RBFOX1: variants seen among roughly 807,000 people sequenced by gnomAD.
RBFOX1 encodes RNA binding protein fox-1 homolog 1.
A neutral mutation model predicts 57.7 loss-of-function variants in RBFOX1; 8 were observed. That is an observed-to-expected ratio of 0.14 (90% confidence interval 0.08 to 0.25). The LOEUF is 0.25. Ranked by LOEUF, RBFOX1 falls within the 10% of genes least tolerant of loss-of-function variation. RBFOX1 has a pLI of 1.00. For missense variants in RBFOX1, 611 were observed against 548.5 expected (o/e 1.11, Z -1.14); for synonymous variants, 326 against 222.4 (o/e 1.47, Z -4.15).
At chr16:6,949,712 A>C (rs2080298855) in intron 3 of RBFOX1, among the ~76,000 whole-genome samples, 1 of 152,056 alleles carries the variant, frequency 6.6e-6, no homozygotes, top group Admixed American at 6.6e-5. Flanking sequence ...CTACCTCCAC[A>C]TATAGTCACG....
intron 1 of RBFOX1, among the ~76,000 whole-genome samples, chr16:6,223,271 G>T (rs1193666201): frequency 6.6e-6 from 1 of 150,946 alleles, no homozygotes; most frequent in Admixed American, 6.6e-5. Context: ...CTGAGGAATC[G>T]CCACACTGAC....
In RBFOX1 at chr16:6,011,201, A is replaced by C. The variant is rs187300512; in HGVS notation, c.351+143866A>C. Among the ~76,000 whole-genome samples the C allele has an allele frequency of 9.1e-4, 138 of 152,306 alleles. 1 individual carries two copies. The highest frequency in any genetic ancestry group is 1.2e-3 in the Non-Finnish European group (80 of 68,024). On this transcript the variant is annotated intron_variant, in intron 4 of 19. Coordinates refer to the RBFOX1 transcript ENST00000641259. ...TTAGTACATTAAGGCAAAGCTATGTATGTTCTGATTATAAATTCATTAACT... is the reference window on the plus strand; with the variant it reads ...TTAGTACATTAAGGCAAAGCTATGTCTGTTCTGATTATAAATTCATTAACT...
chr16:6,920,721 TCACTC>T (rs2074275419), intron 3 of RBFOX1, among the ~76,000 whole-genome samples: 1 of 152,212 alleles, frequency 6.6e-6, no homozygotes, highest in South Asian at 2.1e-4. Flanking sequence ...TGTGGCTGCA[TCACTC>T]CAGTCTTTAC....
At chr16:6,006,444 G>T (rs1358182781) in intron 4 of RBFOX1, among the ~76,000 whole-genome samples, 1 of 152,134 alleles carries the variant, frequency 6.6e-6, no homozygotes, top group Non-Finnish European at 1.5e-5. Context: ...TTACATGCCA[G>T]TCTGTGCCTA....
intron 3 of RBFOX1, among the ~76,000 whole-genome samples, chr16:6,855,536 C>G (rs1349768375): frequency 6.6e-6 from 1 of 151,594 alleles, no homozygotes; most frequent in Non-Finnish European, 1.5e-5. Context: ...GCCTGTAGTC[C>G]CAGCTACTGG....
chr16:6,619,843 A>T (rs1427980970), intron 2 of RBFOX1, among the ~76,000 whole-genome samples: 2 of 151,768 alleles, frequency 1.3e-5, no homozygotes, highest in African/African-American at 4.8e-5. Context: ...ATTTTTCCTG[A>T]TTGTCTCCCT....
intron 4 of RBFOX1, among the ~76,000 whole-genome samples, chr16:7,291,600 G>C (rs935725084): frequency 6.6e-6 from 1 of 152,056 alleles, no homozygotes; most frequent in African/African-American, 2.4e-5. Context: ...TTAACAAACA[G>C]GTAAGTCAAT....
intron 4 of RBFOX1, among the ~76,000 whole-genome samples, chr16:7,057,050 C>A (rs181332609): frequency 1.3e-5 from 2 of 150,706 alleles, no homozygotes; most frequent in Non-Finnish European, 2.9e-5. Flanking sequence ...AAAATGCAGG[C>A]CTGATACTCA....
At chr16:7,173,237 A>G (rs1178711247) in intron 4 of RBFOX1, among the ~76,000 whole-genome samples, 4 of 152,298 alleles carry the variant, frequency 2.6e-5, no homozygotes, top group East Asian at 1.9e-4. Context: ...TCCCCCTTTT[A>G]TTTCAAATTA....
intron 4 of RBFOX1, among the ~76,000 whole-genome samples, chr16:7,479,254 G>C (rs780600661): frequency 1.3e-5 from 2 of 151,768 alleles, no homozygotes; most frequent in Non-Finnish European, 2.9e-5. Flanking sequence ...CTCCCGAGTC[G>C]CTGGGATTAC....
intron 3 of RBFOX1, among the ~76,000 whole-genome samples, chr16:6,950,412 C>G (rs141678749): frequency 4.1e-4 from 62 of 152,238 alleles, no homozygotes; most frequent in African/African-American, 1.4e-3. Flanking sequence ...CCAGCATGCA[C>G]TGAGAACAGG....
At chr16:7,690,425 G>A (rs2077066856) in intron 14 of RBFOX1, among the ~76,000 whole-genome samples, 3 of 152,094 alleles carry the variant, frequency 2.0e-5, no homozygotes, top group Admixed American at 2.0e-4. Flanking sequence ...TTTTAGAAGT[G>A]CACCAATTAT....
At chr16:6,518,422 G>A (rs1029173787) in intron 2 of RBFOX1, among the ~76,000 whole-genome samples, 1 of 152,138 alleles carries the variant, frequency 6.6e-6, no homozygotes, top group African/African-American at 2.4e-5. Flanking sequence ...CCAATCAGGG[G>A]CCAGGTGATG....
chr16:6,781,129 C>G (rs541955630), intron 3 of RBFOX1, among the ~76,000 whole-genome samples: 148 of 152,212 alleles, frequency 9.7e-4, no homozygotes, highest in Admixed American at 2.7e-3. Flanking sequence ...TGGTCCAGGT[C>G]TTACATTAAA....
chr16:6,086,529 C>G lies in RBFOX1; in HGVS notation c.-127+66537C>G, dbSNP rs188322873. ...GTGTTCTTTTAGATTCCTGCTTAAA[C>G]ATAAACCAGCAGTGAACGAAGAATC... On this transcript the variant is annotated intron_variant, in intron 1 of 15. Transcript: ENST00000550418. Among the ~76,000 whole-genome samples, 34 of 152,292 alleles carry G rather than the reference C, an allele frequency of 2.2e-4. No individual in the cohort carries two copies. The East Asian group carries it at 6.6e-3, about 29-fold the overall frequency.
chr16:5,470,660 T>G (rs1166726964), intron 2 of RBFOX1, among the ~76,000 whole-genome samples: 2 of 152,044 alleles, frequency 1.3e-5, no homozygotes, highest in African/African-American at 4.8e-5. Flanking sequence ...TCTCTCTTTT[T>G]CTACCATGGA....
intron 3 of RBFOX1, among the ~76,000 whole-genome samples, chr16:6,842,301 T>A (rs1288041009): frequency 7.6e-6 from 1 of 131,692 alleles, no homozygotes; most frequent in Non-Finnish European, 1.9e-5. Flanking sequence ...ACTTTCTTAA[T>A]TATTTTTTTC....
At chr16:5,762,408 G>A (rs916528295) in intron 3 of RBFOX1, among the ~76,000 whole-genome samples, 1 of 151,676 alleles carries the variant, frequency 6.6e-6, no homozygotes, top group African/African-American at 2.4e-5. Context: ...GGCCAAGAGG[G>A]TTGGGAGTCA....
At chr16:5,779,888 T>C (rs1411735840) in intron 3 of RBFOX1, among the ~76,000 whole-genome samples, 1 of 152,214 alleles carries the variant, frequency 6.6e-6, no homozygotes, top group African/African-American at 2.4e-5. Flanking sequence ...GTTTTCTCAC[T>C]TGTAAAATAA....
Sources: allele counts gnomAD v4.1 joint callset (sites outside exome capture counted in the v4.1 genomes callset), GRCh38; gene constraint gnomAD v4.1.1; transcripts MANE v1.5; gene names NCBI Gene and HGNC (gene_info 2026-07-23, HGNC 2026-07-21).